JHY: variants seen among roughly 807,000 people sequenced by gnomAD.
JHY encodes the protein junctional cadherin complex regulator, also known as jhy protein homolog.
In JHY, 69 loss-of-function variants were observed where a neutral mutation model predicts 78.0. That is an observed-to-expected ratio of 0.88 (90% CI 0.73 to 1.08). The LOEUF (loss-of-function observed/expected upper bound fraction) is 1.08, where lower values mean the gene tolerates loss of function less well. JHY is among the 50% of genes least tolerant of loss of function. The pLI, the probability that JHY is intolerant of heterozygous loss-of-function variation, is 0.00. For missense variants in JHY, 944 were observed against 927.8 expected, an observed-to-expected ratio of 1.02 and a Z score of -0.23; for synonymous variants, 368 against 342.6, an observed-to-expected ratio of 1.07 and a Z score of -0.82.
intron 3 of JHY, among the ~76,000 whole-genome samples, chr11:122,909,786 T>A (rs1403723463): frequency 1.3e-5 from 2 of 151,698 alleles, no homozygotes; most frequent in African/African-American, 4.8e-5. Flanking sequence ...CTCAAAAAAA[T>A]AAATTAAATA....
chr11:122,886,621 T>C (rs1862502322), intron 2 of JHY, among the ~76,000 whole-genome samples: 1 of 152,198 alleles, frequency 6.6e-6, no homozygotes, highest in Admixed American at 6.5e-5. Context: ...TAGTATTAAA[T>C]ATTTACAATA....
At chr11:122,887,119 C>A (rs1199751044) in intron 2 of JHY, among the ~76,000 whole-genome samples, 1 of 152,198 alleles carries the variant, frequency 6.6e-6, no homozygotes, top group Non-Finnish European at 1.5e-5. Context: ...GTGTCTGAAG[C>A]AGACCATTTG....
chr11:122,938,787 G>A (rs2135361887), intron 5 of JHY, among the ~76,000 whole-genome samples: 1 of 152,042 alleles, frequency 6.6e-6, no homozygotes, highest in South Asian at 2.1e-4. Flanking sequence ...TGGGTGCCAT[G>A]TGATAGGAAG....
chr11:122,908,745 C>G (rs1284204739), intron 3 of JHY, among the ~76,000 whole-genome samples: 4 of 152,308 alleles, frequency 2.6e-5, no homozygotes, highest in East Asian at 1.9e-4. Flanking sequence ...GTCGCCCAGG[C>G]TGAAGTGCAG....
Position 122,934,680 on chromosome 11 carries a change from G to A in JHY, c.1239G>A (p.Ser413=), listed in dbSNP as rs372249577. The A allele has an allele frequency of 5.0e-6, 8 of 1,613,976 alleles. No homozygotes were observed. The highest frequency in any genetic ancestry group is 1.3e-5 in the African/African-American group (1 of 74,874). Residue 413 remains serine (S), a synonymous_variant, in exon 5 of 9, where the codon TCG becomes TCA. Transcript: ENST00000227349. ...TTGATACTTCAACAAAGCCTGAATCGATTGTGATTATGCATGCCTCTAACA... is the reference window on the plus strand; with the variant it reads ...TTGATACTTCAACAAAGCCTGAATCAATTGTGATTATGCATGCCTCTAACA... ...KPLDTSTKPE[S]IVIMHASNND... is the part of the protein sequence containing the mutation.
chr11:122,926,187 CAAAAA>C lies in JHY; in HGVS notation c.978+1192_978+1196del, dbSNP rs574945272. On this transcript the variant is annotated intron_variant, in intron 4 of 8. Coordinates refer to ENST00000227349, the MANE Select transcript of JHY (RefSeq NM_024806.4). ...TAGGTGACAGAGCAAGACTCCATCT[CAAAAA>C]AAAAAAAAAAAAAAGAAAAAAGAAA... Among the ~76,000 whole-genome samples the C allele has an allele frequency of 3.5e-4, 14 of 40,092 alleles. No individual in the cohort carries two copies. The East Asian group carries it at 7.8e-3, about 22-fold the overall frequency. 26.3% of individuals were successfully genotyped at this position (40,092 alleles called of 152,430 possible). A position where few individuals can be genotyped will look rare whatever the true frequency, so the allele number is the denominator to read the frequency against.
intron 2 of JHY, among the ~76,000 whole-genome samples, chr11:122,890,151 G>GA (rs1246860194): frequency 2.6e-5 from 4 of 151,940 alleles, no homozygotes; most frequent in Non-Finnish European, 5.9e-5. Flanking sequence ...TATGAGGATT[G>GA]AAGGAACAAG....
intron 5 of JHY, among the ~76,000 whole-genome samples, chr11:122,945,524 ACT>A (rs1297048813): frequency 1.3e-5 from 2 of 151,816 alleles, no homozygotes; most frequent in Non-Finnish European, 2.9e-5. Context: ...GTGTCTGCTG[ACT>A]CTCATATTTG....
chr11:122,893,021 C>A (rs778829895), intron 2 of JHY, among the ~76,000 whole-genome samples: 1 of 152,160 alleles, frequency 6.6e-6, no homozygotes, highest in Non-Finnish European at 1.5e-5. Context: ...CCATTGATTT[C>A]TAGCAACATT....
chr11:122,906,708 A>G (rs1441147818), intron 3 of JHY, among the ~76,000 whole-genome samples: 1 of 152,194 alleles, frequency 6.6e-6, no homozygotes, highest in African/African-American at 2.4e-5. Context: ...TTGTTGATTT[A>G]TTAATCGCTA....
chr11:122,944,678 T>C (rs1370508160), intron 5 of JHY, among the ~76,000 whole-genome samples: 1 of 152,204 alleles, frequency 6.6e-6, no homozygotes, highest in East Asian at 1.9e-4. Flanking sequence ...TCTTCCATGT[T>C]ACCCTTTATT....
rs960659883 is a variant in JHY, at chr11:122,962,561, TA to T, written c.*3117del. Reference sequence around the variant, plus strand: ...GTATTTATAAGAGAAGAGGCCCTTCTAGGTGCATGAAGACATTTCTAGAAAT... The same window carrying T: ...GTATTTATAAGAGAAGAGGCCCTTCTGGTGCATGAAGACATTTCTAGAAAT... On this transcript the variant is annotated 3_prime_UTR_variant, in exon 9 of 9. Coordinates refer to ENST00000227349, the MANE Select transcript of JHY (RefSeq NM_024806.4). Among the ~76,000 whole-genome samples, 4 of 152,210 alleles carry T rather than the reference TA, an allele frequency of 2.6e-5. No homozygotes were observed. The highest frequency in any genetic ancestry group is 9.6e-5 in the African/African-American group (4 of 41,476).
intron 3 of JHY, among the ~76,000 whole-genome samples, chr11:122,916,211 G>T (rs908578938): frequency 3.3e-5 from 5 of 151,938 alleles, no homozygotes; most frequent in African/African-American, 9.7e-5. Context: ...ACAAAGAAAT[G>T]ATAAATACTC....
At chr11:122,896,860 G>A (rs1862749869) in intron 2 of JHY, among the ~76,000 whole-genome samples, 1 of 152,084 alleles carries the variant, frequency 6.6e-6, no homozygotes, top group Non-Finnish European at 1.5e-5. Context: ...TTGTTTGTTT[G>A]TTTGTTTGTT....
chr11:122,950,179 ACAT>A (rs1160700071), intron 6 of JHY, among the ~76,000 whole-genome samples: 13 of 152,086 alleles, frequency 8.5e-5, no homozygotes, highest in African/African-American at 3.1e-4. Context: ...TTCCACAGAA[ACAT>A]CATTACATGG....
intron 4 of JHY, among the ~76,000 whole-genome samples, chr11:122,929,007 C>G (rs1473226419): frequency 6.6e-6 from 1 of 151,862 alleles, no homozygotes; most frequent in Non-Finnish European, 1.5e-5. Context: ...TGCAATGGCA[C>G]AATCTCGGCT....
Position 122,959,231 on chromosome 11 carries a change from C to T in JHY, c.2140-17C>T. 1 of 1,592,924 alleles carries T rather than the reference C, an allele frequency of 6.3e-7. No homozygotes were observed. ...TCACTTCCCATTTCAAATAAAATTT[C>T]ATCTTTATGCGTTTAGGCTTTGGAA... On this transcript the variant is annotated splice_polypyrimidine_tract_variant and intron_variant, in intron 8 of 8. Transcript: ENST00000227349.
intron 3 of JHY, among the ~76,000 whole-genome samples, chr11:122,913,247 G>T (rs538851236): frequency 6.6e-6 from 1 of 152,132 alleles, no homozygotes; most frequent in Admixed American, 6.5e-5. Flanking sequence ...AATCTTGTAT[G>T]CAACTAGTTG....
intron 6 of JHY, among the ~76,000 whole-genome samples, chr11:122,949,831 CTTTCT>C (rs1822559267): frequency 7.1e-6 from 1 of 141,360 alleles, no homozygotes; most frequent in Admixed American, 7.1e-5. Flanking sequence ...TTTTTCTTTT[CTTTCT>C]TTTCTTTTTT....
Sources: allele counts gnomAD v4.1 joint callset (sites outside exome capture counted in the v4.1 genomes callset), GRCh38; gene constraint gnomAD v4.1.1; transcripts MANE v1.5; gene names NCBI Gene and HGNC (gene_info 2026-07-23, HGNC 2026-07-21).